The following GLG1 variants were observed in gnomAD, a reference collection of about 807,000 sequenced individuals.
GLG1 encodes golgi glycoprotein 1, also known as Golgi apparatus protein 1.
Under a neutral mutation model 160.5 loss-of-function variants are expected in GLG1, and 38 were observed. The ratio of observed to expected loss-of-function variants is 0.24; its 90% CI spans 0.18 to 0.31. GLG1 has a LOEUF of 0.31. Among genes scored for constraint, GLG1 ranks in the 10% least tolerant of loss-of-function variants. The pLI, the probability that GLG1 is intolerant of heterozygous loss-of-function variation, is 1.00. For missense variants in GLG1, 1,373 were observed against 1,505.2 expected (o/e 0.91, Z 1.45); for synonymous variants, 644 against 543.4 (o/e 1.19, Z -2.57).
intron 4 of GLG1, 105 bp from the exon 5 acceptor site, chr16:74,496,749 A>AC (rs2016204670): frequency 4.2e-6 from 2 of 480,190 alleles, no homozygotes; most frequent in Non-Finnish European, 7.4e-6. Flanking sequence ...CACACACACA[A>AC]AGTAATAAAA....
intron 2 of GLG1, among the ~76,000 whole-genome samples, chr16:74,530,642 T>C (rs2017503474): frequency 6.6e-6 from 1 of 152,080 alleles, no homozygotes; most frequent in Non-Finnish European, 1.5e-5. Flanking sequence ...CCTTTTTTTT[T>C]TTTTCTTTTT....
At chr16:74,517,746 G>A (rs144103453) in intron 2 of GLG1, among the ~76,000 whole-genome samples, 1 of 152,208 alleles carries the variant, frequency 6.6e-6, no homozygotes, top group South Asian at 2.1e-4. Context: ...AATAGGAAGA[G>A]AAGAAGTCAA....
intron 2 of GLG1, among the ~76,000 whole-genome samples, chr16:74,514,087 TA>T (rs551070476): frequency 6.6e-6 from 1 of 151,684 alleles, no homozygotes; most frequent in East Asian, 1.9e-4. Flanking sequence ...CAAGATTAGA[TA>T]AAAAAAGAGT....
chr16:74,593,365 T>A (rs1256838475), intron 1 of GLG1, among the ~76,000 whole-genome samples: 1 of 152,102 alleles, frequency 6.6e-6, no homozygotes, highest in Non-Finnish European at 1.5e-5. Flanking sequence ...TTTTGAGAGT[T>A]CTGTTAAATG....
At chr16:74,560,154 A>C (rs969779612) in intron 1 of GLG1, among the ~76,000 whole-genome samples, 1 of 152,068 alleles carries the variant, frequency 6.6e-6, no homozygotes, top group Non-Finnish European at 1.5e-5. Flanking sequence ...TGAGATTAGC[A>C]CTTGGACAGG....
chr16:74,533,095 C>A (rs1445069909), intron 1 of GLG1, among the ~76,000 whole-genome samples: 1 of 152,022 alleles, frequency 6.6e-6, no homozygotes. Flanking sequence ...CTGAGGTGGG[C>A]GGATCACAAG....
chr16:74,487,493 A>C (rs999839158), intron 8 of GLG1, among the ~76,000 whole-genome samples: 1 of 152,158 alleles, frequency 6.6e-6, no homozygotes, highest in African/African-American at 2.4e-5. Context: ...AGAGAGAAAC[A>C]TGAAAGATTT....
rs1473818944 is a variant in GLG1, at chr16:74,483,067, T to C, written c.1629A>G (p.Glu543=). 1 of 1,610,230 alleles carries C rather than the reference T, an allele frequency of 6.2e-7. No homozygotes were observed. Among genetic ancestry groups the C allele is most frequent in the Non-Finnish European group, 8.5e-7 (1 of 1,176,470 alleles). Residue 543 remains glutamate (E), a synonymous_variant, in exon 10 of 26, where the codon GAA becomes GAG. Transcript: ENST00000422840. ...AATACTGCAGCTCTAAGAGACGGTG[T>C]TCACAGTCTTCTACCATCTTCTCTG... ...LYTEKMVEDC[E]HRLLELQYFI...
intron 1 of GLG1, among the ~76,000 whole-genome samples, chr16:74,556,013 A>AT (rs2018343199): frequency 1.3e-5 from 2 of 151,802 alleles, no homozygotes; most frequent in African/African-American, 2.4e-5. Flanking sequence ...CCAATTTTTA[A>AT]TTTTTTTGTA....
At chr16:74,533,969 C>T (rs2017616836) in intron 1 of GLG1, among the ~76,000 whole-genome samples, 1 of 152,064 alleles carries the variant, frequency 6.6e-6, no homozygotes, top group African/African-American at 2.4e-5. Context: ...CATCAAGTAG[C>T]CACACCTAGC....
chr16:74,543,292 A>C (rs1354861084), intron 1 of GLG1, among the ~76,000 whole-genome samples: 41 of 152,362 alleles, frequency 2.7e-4, no homozygotes, highest in African/African-American at 9.9e-4. Flanking sequence ...TTGGGAAAAA[A>C]ATTTAATATA....
intron 10 of GLG1, among the ~76,000 whole-genome samples, chr16:74,482,084 G>T (rs541275873): frequency 6.6e-6 from 1 of 152,060 alleles, no homozygotes; most frequent in Non-Finnish European, 1.5e-5. Context: ...CACCGCGCCC[G>T]GTTCAAGTGA....
intron 1 of GLG1, among the ~76,000 whole-genome samples, chr16:74,595,845 C>G (rs1958287369): frequency 6.6e-6 from 1 of 151,824 alleles, no homozygotes; most frequent in African/African-American, 2.4e-5. Flanking sequence ...ATTATTGGGC[C>G]AGGTACAGTG....
intron 2 of GLG1, among the ~76,000 whole-genome samples, chr16:74,528,973 T>C (rs1028219075): frequency 6.7e-6 from 1 of 150,062 alleles, no homozygotes; most frequent in African/African-American, 2.4e-5. Flanking sequence ...TGTCTGCCTT[T>C]TTTTTTTTTT....
rs550941668 is a variant in GLG1, at chr16:74,507,689, T to C, written c.558+1150A>G. Among the ~76,000 whole-genome samples the C allele has an allele frequency of 2.6e-5, 4 of 151,932 alleles. No individual in the cohort carries two copies. The South Asian group carries it at 8.3e-4, about 32-fold the overall frequency. ...AGGCAGAGGTTGCAGAGAGCCAAGGTGGCACCACTGCACTCCAGCGTGGGC... is the reference window on the plus strand; with the variant it reads ...AGGCAGAGGTTGCAGAGAGCCAAGGCGGCACCACTGCACTCCAGCGTGGGC... On this transcript the variant is annotated intron_variant, in intron 3 of 25. Transcript: ENST00000422840.
chr16:74,602,942 C>T (rs1015330588), intron 1 of GLG1, among the ~76,000 whole-genome samples: 3 of 151,888 alleles, frequency 2.0e-5, no homozygotes, highest in African/African-American at 7.3e-5. Context: ...AGGCAGATCA[C>T]CTAAGGTGAG....
chr16:74,456,302 A>T (rs1057365349), intron 25 of GLG1, among the ~76,000 whole-genome samples: 1 of 152,220 alleles, frequency 6.6e-6, no homozygotes, highest in South Asian at 2.1e-4. Context: ...CGGGCAGCCA[A>T]GGAATTCTAA....
intron 3 of GLG1, among the ~76,000 whole-genome samples, chr16:74,505,355 C>T (rs915621046): frequency 6.6e-6 from 1 of 152,226 alleles, no homozygotes; most frequent in Non-Finnish European, 1.5e-5. Flanking sequence ...TCAGAGACAG[C>T]AGAGATTTTC....
intron 2 of GLG1, among the ~76,000 whole-genome samples, chr16:74,514,851 G>T (rs956569560): frequency 6.6e-6 from 1 of 152,058 alleles, no homozygotes; most frequent in Non-Finnish European, 1.5e-5. Context: ...CTGGCAAACT[G>T]CATAGAGTCA....
Sources: allele counts gnomAD v4.1 joint callset (sites outside exome capture counted in the v4.1 genomes callset), GRCh38; gene constraint gnomAD v4.1.1; transcripts MANE v1.5; gene names NCBI Gene and HGNC (gene_info 2026-07-23, HGNC 2026-07-21).